The following MEI4 variants were observed in gnomAD, a reference collection of about 807,000 sequenced individuals.
MEI4 encodes the protein meiotic double-stranded break formation protein 4.
MEI4 carries 27 observed loss-of-function variants against 31.4 expected under a neutral mutation model. The observed-to-expected ratio is 0.86, with a 90% CI of 0.63 to 1.19. The LOEUF is 1.19. Ranked by LOEUF, MEI4 falls within the 50% of genes most tolerant of loss-of-function variation. MEI4 has a pLI of 0.00. For synonymous variants in MEI4, 122 were observed against 145.4 expected (o/e 0.84, Z 1.16); for missense variants, 329 against 398.9 (o/e 0.82, Z 1.49).
At chr6:77,904,869 T>A (rs543746694) in intron 4 of MEI4, among the ~76,000 whole-genome samples, 15 of 152,284 alleles carry the variant, frequency 9.9e-5, no homozygotes, top group Non-Finnish European at 2.2e-4. Flanking sequence ...AACAGATTAT[T>A]TTAGCTATTA....
In MEI4 at chr6:77,690,641, T is replaced by G; in HGVS notation, c.-14-17T>G. ...GTTAAAAAGAATTTCTATAACTTTT[T>G]TCTTATTAAATGATAGGGACAAAAG... On this transcript the variant is annotated splice_polypyrimidine_tract_variant and intron_variant, in intron 1 of 4. Coordinates refer to ENST00000684080, the MANE Select transcript of MEI4 (RefSeq NM_001322247.2). 1 of 1,157,198 alleles carries G rather than the reference T, an allele frequency of 8.6e-7. No individual in the cohort carries two copies. The highest frequency in any genetic ancestry group is 1.1e-6 in the Non-Finnish European group (1 of 919,856). 71.7% of individuals were successfully genotyped at this position (1,157,198 alleles called of 1,614,324 possible).
rs1355813704 is a variant in MEI4 at position 77,924,925 on chromosome 6, G to T, written c.*1579G>T. ...GGGCCAATAATTTACTTCACAACAA[G>T]TACCAGTTGAATACAAGAAGTATAT... On this transcript the variant is annotated 3_prime_UTR_variant, in exon 5 of 5. Coordinates refer to ENST00000684080, the MANE Select transcript of MEI4 (RefSeq NM_001322247.2). 3 of 151,874 alleles carry T rather than the reference G, an allele frequency of 2.0e-5. No homozygotes were observed. The highest frequency in any genetic ancestry group is 4.4e-5 in the Non-Finnish European group (3 of 67,900). The allele number at this position is 151,874 out of a possible 1,614,324, so 9.4% of individuals were successfully genotyped here. A position where few individuals can be genotyped will look rare whatever the true frequency, so the allele number is the denominator to read the frequency against.
chr6:77,808,365 G>A (rs967337391), intron 3 of MEI4, among the ~76,000 whole-genome samples: 1 of 152,160 alleles, frequency 6.6e-6, no homozygotes, highest in African/African-American at 2.4e-5. Flanking sequence ...AATTCCAGAT[G>A]ATGGCACTAA....
At chr6:77,775,757 T>C (rs145738659) in intron 3 of MEI4, among the ~76,000 whole-genome samples, 10 of 152,300 alleles carry the variant, frequency 6.6e-5, no homozygotes, top group African/African-American at 2.4e-4. Context: ...CTTTTAGTTC[T>C]TTAAAGAATC....
At chr6:77,715,313 G>A (rs185742019) in intron 2 of MEI4, among the ~76,000 whole-genome samples, 2 of 152,074 alleles carry the variant, frequency 1.3e-5, no homozygotes, top group Non-Finnish European at 2.9e-5. Context: ...TTTTTAACTA[G>A]TTATAAAAAC....
At chr6:77,868,502 C>CATATATATATATATAT (rs58946198) in intron 4 of MEI4, among the ~76,000 whole-genome samples, 2,712 of 89,734 alleles carry the variant, frequency 0.03, 188 homozygotes, top group Non-Finnish European at 0.043. Context: ...AAAAATACTA[C>CATATATATATATATAT]ATATATATAT....
chr6:77,711,396 GATAT>G (rs1191362102), intron 2 of MEI4, among the ~76,000 whole-genome samples: 2 of 152,172 alleles, frequency 1.3e-5, no homozygotes, highest in East Asian at 3.9e-4. Flanking sequence ...GTACACTGAA[GATAT>G]ATATAATTTT....
chr6:77,697,081 T>C (rs1425884271), intron 2 of MEI4, among the ~76,000 whole-genome samples: 1 of 152,204 alleles, frequency 6.6e-6, no homozygotes, highest in Non-Finnish European at 1.5e-5. Flanking sequence ...TCTCTGATGG[T>C]AGTTTGTATT....
chr6:77,798,520 T>A (rs1019999366), intron 3 of MEI4, among the ~76,000 whole-genome samples: 12 of 151,964 alleles, frequency 7.9e-5, no homozygotes, highest in Non-Finnish European at 8.8e-5. Context: ...ACTTTAAGTT[T>A]TAGGGTACAT....
At chr6:77,799,565 G>T (rs543470466) in intron 3 of MEI4, among the ~76,000 whole-genome samples, 2 of 152,126 alleles carry the variant, frequency 1.3e-5, no homozygotes, top group Non-Finnish European at 2.9e-5. Flanking sequence ...TGAAGTCATT[G>T]CCCATGCCTA....
At chr6:77,777,862 T>C (rs1287031556) in intron 3 of MEI4, among the ~76,000 whole-genome samples, 1 of 152,112 alleles carries the variant, frequency 6.6e-6, no homozygotes, top group East Asian at 1.9e-4. Flanking sequence ...AATGATGTTT[T>C]AAAATTTTCA....
Position 77,761,301 on chromosome 6 carries a change from T to C in MEI4, c.404T>C (p.Leu135Pro). The C allele has an allele frequency of 1.6e-6, 2 of 1,232,654 alleles. No homozygotes were observed. The highest frequency in any genetic ancestry group is 1.0e-6 in the Non-Finnish European group (1 of 988,056). The allele number at this position is 1,232,654 out of a possible 1,614,324, so 76.4% of individuals were successfully genotyped here. ...CCCACTCACTTTCCACCACTGCCTC[T>C]TGTGAAAAGACCTTGTGCTATCCTG... is the stretch of plus-strand genomic sequence containing the variant. ...CTPTHFPPLP[L>P]VKRPCAILQN... Residue 135 changes from leucine (L) to proline (P), a missense_variant, in exon 3 of 5, where the codon CTT becomes CCT. By Grantham distance (98) the Leu-to-Pro change is moderately conservative (BLOSUM62 -3). Transcript: ENST00000684080.
At chr6:77,784,734 T>C (rs1768687468) in intron 3 of MEI4, among the ~76,000 whole-genome samples, 1 of 152,144 alleles carries the variant, frequency 6.6e-6, no homozygotes, top group African/African-American at 2.4e-5. Context: ...AATGTCAAAT[T>C]AAATTGACTT....
intron 2 of MEI4, among the ~76,000 whole-genome samples, chr6:77,759,176 T>G (rs1161312263): frequency 6.6e-6 from 1 of 152,206 alleles, no homozygotes; most frequent in Non-Finnish European, 1.5e-5. Flanking sequence ...TTCTTGAAAC[T>G]GTTTCCTTGA....
chr6:77,822,135 A>G (rs1000079841), intron 3 of MEI4, among the ~76,000 whole-genome samples: 3 of 152,150 alleles, frequency 2.0e-5, no homozygotes, highest in Admixed American at 6.5e-5. Flanking sequence ...TCTGCATTAC[A>G]TTAAAATTTG....
intron 2 of MEI4, among the ~76,000 whole-genome samples, chr6:77,748,642 T>G (rs1767678039): frequency 6.6e-6 from 1 of 152,210 alleles, no homozygotes; most frequent in African/African-American, 2.4e-5. Flanking sequence ...GAGATTAACA[T>G]TAGACTCCTC....
chr6:77,792,629 A>C (rs1768967427), intron 3 of MEI4, among the ~76,000 whole-genome samples: 1 of 151,924 alleles, frequency 6.6e-6, no homozygotes, highest in East Asian at 1.9e-4. Flanking sequence ...TAAATCTTTA[A>C]GCAATTTTGA....
chr6:77,654,673 C>T (rs1040360027), intron 1 of MEI4, among the ~76,000 whole-genome samples: 18 of 150,130 alleles, frequency 1.2e-4, no homozygotes, highest in African/African-American at 4.2e-4. Context: ...AATATTTTTT[C>T]GTTGATAATC....
At chr6:77,710,656 A>G (rs1304686816) in intron 2 of MEI4, among the ~76,000 whole-genome samples, 1 of 151,746 alleles carries the variant, frequency 6.6e-6, no homozygotes, top group East Asian at 1.9e-4. Context: ...TTGTATTGGT[A>G]GACTTAAGGC....
Sources: gnomAD v4.1 joint callset for allele counts (sites outside exome capture counted in the v4.1 genomes callset) on GRCh38, gnomAD v4.1.1 for gene constraint, MANE v1.5 for transcripts, NCBI Gene and HGNC (gene_info 2026-07-23, HGNC 2026-07-21) for gene names.